SAG: variants seen among roughly 807,000 people sequenced by gnomAD.
SAG encodes S-arrestin.
Under a neutral mutation model 55.0 loss-of-function variants are expected in SAG, and 45 were observed. That is an observed-to-expected ratio of 0.82 (90% CI 0.64 to 1.05). SAG has a LOEUF of 1.05. Ranked by LOEUF, SAG falls within the 50% of genes least tolerant of loss-of-function variation. SAG has a pLI of 0.00. For synonymous variants in SAG, 189 were observed against 197.4 expected, an observed-to-expected ratio of 0.96 and a Z score of 0.36; for missense variants, 455 against 512.1, an observed-to-expected ratio of 0.89 and a Z score of 1.08.
In SAG at chr2:233,319,816, C is replaced by T. The variant is rs892395862; in HGVS notation, c.182-814C>T. 25 of 985,574 alleles carry T rather than the reference C, an allele frequency of 2.5e-5. No individual in the cohort carries two copies. Among genetic ancestry groups the T allele is most frequent in the Middle Eastern group, 5.2e-4 (1 of 1,936 alleles). The allele number at this position is 985,574 out of a possible 1,614,324, so 61.1% of individuals were successfully genotyped here. A position where few individuals can be genotyped will look rare whatever the true frequency, so the allele number is the denominator to read the frequency against. ...CTTAGTCCTGAGCTTGAATGAGGGGCGAGTGAGTGGCCACTGTTTCTTCTG... is the reference window on the plus strand; with the variant it reads ...CTTAGTCCTGAGCTTGAATGAGGGGTGAGTGAGTGGCCACTGTTTCTTCTG... On this transcript the variant is annotated intron_variant, in intron 4 of 15. Coordinates refer to ENST00000409110, the MANE Select transcript of SAG (RefSeq NM_000541.5). This position sits in a 1 kb window ranked among gnomAD's most constrained non-coding sequence, Gnocchi z 4.4.
At chr2:233,312,505 G>A (rs1311526761) in intron 2 of SAG, among the ~76,000 whole-genome samples, 1 of 152,190 alleles carries the variant, frequency 6.6e-6, no homozygotes, top group Non-Finnish European at 1.5e-5. Context: ...CACTCGAAAT[G>A]CTATTTAATT....
chr2:233,329,901 A>G (rs905400027), intron 9 of SAG, among the ~76,000 whole-genome samples: 5 of 152,228 alleles, frequency 3.3e-5, no homozygotes, highest in African/African-American at 1.2e-4. Context: ...GGTGAGGCCT[A>G]ATTTGTGGAC....
intron 14 of SAG, 55 bp from the exon 15 acceptor site, chr2:233,346,348 T>A (rs909009564): frequency 3.1e-6 from 5 of 1,593,538 alleles, no homozygotes; most frequent in Non-Finnish European, 4.3e-6. Context: ...GAATTTAGAC[T>A]AACAAATGTC....
At chr2:233,323,875 A>G (rs1221719417) in intron 6 of SAG, among the ~76,000 whole-genome samples, 2 of 152,188 alleles carry the variant, frequency 1.3e-5, no homozygotes, top group African/African-American at 4.8e-5. Context: ...ACAAGGAACT[A>G]CACGGCATGC....
chr2:233,320,742 G>C lies in SAG; in HGVS notation c.294G>C (p.Val98=). ...CCCGGGTCCAGGTGTATCCTCCTGT[G>C]GGGGCCGCGAGCACCCCCACAAAAC... ...YFSRVQVYPP[V]GAASTPTKLQ... Residue 98 remains valine, a synonymous_variant, in exon 5 of 16, where the codon GTG becomes GTC. Coordinates refer to ENST00000409110, the MANE Select transcript of SAG (RefSeq NM_000541.5). The C allele has an allele frequency of 1.9e-6, 3 of 1,606,034 alleles. No individual in the cohort carries two copies. The highest frequency in any genetic ancestry group is 8.5e-7 in the Non-Finnish European group (1 of 1,176,390).
chr2:233,318,624 CTT>C, intron 3 of SAG, 125 bp from the exon 4 acceptor site: 1 of 835,144 alleles, frequency 1.2e-6, no homozygotes, highest in South Asian at 1.6e-5. Flanking sequence ...CTTTGCCTGA[CTT>C]TTCTTTCTTT....
In SAG at chr2:233,309,236, T is replaced by C; in HGVS notation, c.47T>C (p.Ile16Thr). 1.9e-6 allele frequency: 3 copies of C among 1,613,882 alleles called. No individual in the cohort carries two copies. The highest frequency in any genetic ancestry group is 1.6e-4 in the Middle Eastern group (1 of 6,062). The change falls in exon 2 of 16, where the codon ATC becomes ACC. Residue 16 changes from isoleucine (I) to threonine (T), a missense_variant. By Grantham distance (89) the Ile-to-Thr change is moderately conservative. Transcript: ENST00000409110. ...AGCAAGTCCGAACCGAACCATGTTA[T>C]CTTCAAGAAGATCTCCCGGGACAAA... ...KTSKSEPNHV[I>T]FKKISRDKSV...
At chr2:233,339,007 G>A (rs536732709) in intron 12 of SAG, among the ~76,000 whole-genome samples, 2 of 152,330 alleles carry the variant, frequency 1.3e-5, no homozygotes, top group African/African-American at 2.4e-5. Context: ...GCAAAAATAC[G>A]TGTGCATATG....
rs1701077859 is a variant in SAG at position 233,340,865 on chromosome 2, G to A, written c.1046+387G>A. Among the ~76,000 whole-genome samples, 1 of 152,162 alleles carries A rather than the reference G, an allele frequency of 6.6e-6. No homozygotes were observed. The highest frequency in any genetic ancestry group is 1.5e-5 in the Non-Finnish European group (1 of 68,028). ...GTCTCACTCTGTGGCCCAGCCTGGA[G>A]TGCAGTGACGTGATCTCGGCTCACC... On this transcript the variant is annotated intron_variant, in intron 13 of 15. Transcript: ENST00000409110. This position sits in a 1 kb window ranked among gnomAD's most constrained non-coding sequence, Gnocchi z 4.2.
intron 6 of SAG, among the ~76,000 whole-genome samples, chr2:233,326,610 C>T (rs1700565686): frequency 6.6e-6 from 1 of 150,940 alleles, no homozygotes; most frequent in Admixed American, 6.6e-5. Context: ...AAAAATCGTG[C>T]TGCCCGCACT....
At chr2:233,344,501 T>C (rs917520369) in intron 14 of SAG, 3 of 152,188 alleles carry the variant, frequency 2.0e-5, no homozygotes, top group Admixed American at 6.6e-5. Flanking sequence ...CTTTTCCATA[T>C]ACAACTTTCA....
At chr2:233,317,049 A>G (rs1170130138) in intron 3 of SAG, among the ~76,000 whole-genome samples, 1 of 152,160 alleles carries the variant, frequency 6.6e-6, no homozygotes, top group Non-Finnish European at 1.5e-5. Context: ...TTTTGCAGAG[A>G]TGGAGTTTTG....
At chr2:233,333,617 C>G (rs186379457) in intron 10 of SAG, 213 of 152,276 alleles carry the variant, frequency 1.4e-3, no homozygotes, top group African/African-American at 4.7e-3. Flanking sequence ...CAAGCTGCTC[C>G]CCACCATCCA....
At chr2:233,318,971 C>A (rs1559436030) in intron 4 of SAG, 176 bp downstream of exon 4, 2 of 729,114 alleles carry the variant, frequency 2.7e-6, no homozygotes, top group Non-Finnish European at 5.1e-6. Context: ...ATTCACGTGA[C>A]ATAGGTCCTG....
At chr2:233,318,681 G>T in intron 3 of SAG, 70 bp from the exon 4 acceptor site, 1 of 1,330,454 alleles carries the variant, frequency 7.5e-7, no homozygotes, top group Non-Finnish European at 1.1e-6. Context: ...AACATGCGCA[G>T]TTTTTAAAGT....
At chr2:233,321,443 C>A (rs1292954590) in intron 5 of SAG, among the ~76,000 whole-genome samples, 2 of 152,228 alleles carry the variant, frequency 1.3e-5, no homozygotes, top group African/African-American at 2.4e-5. Flanking sequence ...GAATGAAATT[C>A]TGTTCTGTGC....
Position 233,335,021 on chromosome 2 carries a change from C to G in SAG, c.866C>G (p.Ala289Gly). Residue 289 changes from alanine to glycine, a missense_variant, in exon 11 of 16, where the codon GCT (alanine) becomes GGT (glycine). Physicochemically the swap from Ala to Gly is moderately conservative, Grantham distance 60. Transcript: ENST00000409110. ...ACGCTGACGCTGCTGCCCTTGCTGGCTAACAATCGAGAAAGGAGAGGCATT... is the reference window on the plus strand; with the variant it reads ...ACGCTGACGCTGCTGCCCTTGCTGGGTAACAATCGAGAAAGGAGAGGCATT... ...TKTLTLLPLL[A>G]NNRERRGIAL... is the part of the protein sequence containing the mutation. The G allele has an allele frequency of 1.2e-6, 2 of 1,613,988 alleles. No individual in the cohort carries two copies. The highest frequency in any genetic ancestry group is 1.7e-6 in the Non-Finnish European group (2 of 1,179,842).
At position 233,323,001 on chromosome 2, in the gene SAG, G is replaced by A. The variant is rs767863753; in HGVS notation, c.431G>A (p.Gly144Glu). The stretch of plus-strand genomic sequence containing the variant: ...TTGCAGCCAGCTCCACAAGATTCAG[G>A]GAAGGTTAGTTCAAGAAGAAATGCC... Reference protein sequence around the residue: ...VMLQPAPQDSGKSCGVDFEVK... With the variant: ...VMLQPAPQDSEKSCGVDFEVK... Residue 144 changes from glycine (G) to glutamate (E), a missense_variant, in exon 6 of 16, where the codon GGG becomes GAG. Gly to Glu is a moderately conservative substitution (Grantham distance 98). Transcript: ENST00000409110. 2.9e-5 allele frequency: 45 copies of A among 1,564,016 alleles called. No individual in the cohort carries two copies. Among genetic ancestry groups the A allele is most frequent in the Non-Finnish European group, 3.3e-5 (38 of 1,147,334 alleles).
intron 2 of SAG, among the ~76,000 whole-genome samples, chr2:233,315,839 A>C (rs1381843887): frequency 6.6e-6 from 1 of 151,444 alleles, no homozygotes; most frequent in Non-Finnish European, 1.5e-5. Context: ...AGTAGCTGGG[A>C]CTACAGGCGC....
Sources: gnomAD v4.1 joint callset for allele counts (sites outside exome capture counted in the v4.1 genomes callset) on GRCh38, gnomAD v4.1.1 for gene constraint, Gnocchi (gnomAD v3.1) non-coding constraint, MANE v1.5 for transcripts, NCBI Gene and HGNC (gene_info 2026-07-23, HGNC 2026-07-21) for gene names.